Variants in MYO15B observed in about 807,000 individuals in gnomAD.
The protein encoded by MYO15B is myosin XVB.
MYO15B carries 207 observed loss-of-function variants against 119.3 expected under a neutral mutation model. The observed-to-expected ratio is 1.73, with a 90% CI of 1.55 to 1.95. The LOEUF (loss-of-function observed/expected upper bound fraction) is 1.95. MYO15B is among the 30% of genes most tolerant of loss of function. MYO15B has a pLI of 0.00. For synonymous variants in MYO15B, 966 were observed against 498.9 expected, an observed-to-expected ratio of 1.94 and a Z score of -12.48; for missense variants, 2,264 against 1,203.1, an observed-to-expected ratio of 1.88 and a Z score of -13.04.
intron 36 of MYO15B, 75 bp downstream of exon 36, chr17:75,615,959 A>G: frequency 1.7e-6 from 1 of 602,296 alleles, no homozygotes; most frequent in Middle Eastern, 2.6e-4. Flanking sequence ...GGGCAGGGTG[A>G]GTAGGCAGAC....
chr17:75,607,251 A>T (rs982146293), intron 21 of MYO15B: 4 of 331,368 alleles, frequency 1.2e-5, no homozygotes, highest in Non-Finnish European at 1.6e-5. Context: ...AGCCCCTGGT[A>T]ACTTTCAGTC....
At chr17:75,608,244 G>A (rs1568166334) in intron 21 of MYO15B, among the ~76,000 whole-genome samples, 3 of 151,486 alleles carry the variant, frequency 2.0e-5, no homozygotes, top group South Asian at 4.2e-4. Context: ...TCAGCCTCCC[G>A]AGTAGCTGGG....
At position 75,619,813 on chromosome 17, in the gene MYO15B, C is replaced by G. The variant is rs770331484; in HGVS notation, c.7301+14C>G. 1.4e-6 allele frequency: 1 copy of G among 702,662 alleles called. No homozygotes were observed. The highest frequency in any genetic ancestry group is 2.6e-6 in the Non-Finnish European group (1 of 384,868). The allele number at this position is 702,662 out of a possible 1,614,324, so 43.5% of individuals were successfully genotyped here. Reference sequence around the variant, plus strand: ...CTGCTCATACAGGTGCGCTAGCCCACGACCCTGGGCTAGAGGTGGGGGCAG... The same window carrying G: ...CTGCTCATACAGGTGCGCTAGCCCAGGACCCTGGGCTAGAGGTGGGGGCAG... On this transcript the variant is annotated intron_variant, in intron 46 of 63. Coordinates refer to ENST00000645453, the Ensembl canonical transcript of MYO15B.
chr17:75,600,203 T>C (rs1409072990), intron 14 of MYO15B, among the ~76,000 whole-genome samples: 2 of 151,536 alleles, frequency 1.3e-5, no homozygotes, highest in Non-Finnish European at 2.9e-5. Flanking sequence ...ATTTTTTGTA[T>C]TTTTTAGTAA....
chr17:75,621,402 C>A lies in MYO15B; in HGVS notation c.7929C>A (p.Tyr2643Ter), dbSNP rs1300765312. 3.6e-5 allele frequency: 25 copies of A among 700,572 alleles called. No homozygotes were observed. Among genetic ancestry groups the A allele is most frequent in the Non-Finnish European group, 6.3e-5 (24 of 383,204 alleles). 43.4% of individuals were successfully genotyped at this position (700,572 alleles called of 1,614,324 possible). A position where few individuals can be genotyped will look rare whatever the true frequency, so the allele number is the denominator to read the frequency against. Residue 2643 changes from tyrosine to a stop codon, truncating the protein, a stop_gained, in exon 51 of 64, where the codon TAC becomes TAA. Transcript: ENST00000645453. LOFTEE classifies it high-confidence loss of function. ...AGGACACGGACAGCCTGGTGCAGTA[C>A]ACCAAGGTGGGAGAGAGGCAGGGAG...
chr17:75,606,171 C>T (rs1304538156), intron 21 of MYO15B, 150 bp downstream of exon 21: 24 of 567,162 alleles, frequency 4.2e-5, no homozygotes, highest in East Asian at 3.2e-4. Flanking sequence ...CTCTCCTTGA[C>T]GGCATTACCC....
exon 55 of MYO15B, chr17:75,624,004 C>T (rs551736367): frequency 3.4e-4 from 240 of 703,034 alleles, no homozygotes; most frequent in Admixed American, 9.2e-4. Context: ...CTTCTTCCCC[C>T]CGTCGACCAG....
chr17:75,607,190 A>G (rs148054429), intron 21 of MYO15B: 186 of 381,026 alleles, frequency 4.9e-4, no homozygotes, highest in Non-Finnish European at 7.9e-4. Context: ...TTCATCCCGC[A>G]AACAGAAACT....
exon 9 of MYO15B, chr17:75,592,732 G>A (rs138931790): frequency 7.8e-4 from 548 of 702,474 alleles, no homozygotes; most frequent in Non-Finnish European, 8.7e-4. Context: ...TTGAGGGGCT[G>A]CTGAAGGCAC....
At position 75,624,536 on chromosome 17, in the gene MYO15B, T is replaced by C; in HGVS notation, c.8446-7T>C. 1.4e-6 allele frequency: 1 copy of C among 703,110 alleles called. No homozygotes were observed. Among genetic ancestry groups the C allele is most frequent in the Non-Finnish European group, 2.6e-6 (1 of 385,006 alleles). The allele number at this position is 703,110 out of a possible 1,614,324, so 43.6% of individuals were successfully genotyped here. On this transcript the variant is annotated splice_polypyrimidine_tract_variant and splice_region_variant and intron_variant, in intron 57 of 63. Coordinates refer to ENST00000645453, the Ensembl canonical transcript of MYO15B. ...TCCCCCTCATCACAGTCTGTCCACA[T>C]GCCCAGGTAGCAGCAGAAGTGCAGG...
chr17:75,602,642 C>A (rs759667720), intron 16 of MYO15B, 48 bp downstream of exon 16: 1 of 620,056 alleles, frequency 1.6e-6, no homozygotes, highest in East Asian at 2.7e-5. Context: ...ACTCTGTCCC[C>A]CAATTCTGTC....
At chr17:75,587,970 A>C (rs1463076153) in exon 1 of MYO15B, 2 of 397,276 alleles carry the variant, frequency 5.0e-6, no homozygotes, top group Non-Finnish European at 8.9e-6. Context: ...CGGGTGGTGC[A>C]CTGCACAGAA....
chr17:75,602,620 C>T (rs1198294434), intron 16 of MYO15B, 26 bp downstream of exon 16: 8 of 651,506 alleles, frequency 1.2e-5, no homozygotes, highest in African/African-American at 7.2e-5. Flanking sequence ...TCCAGGCCCC[C>T]ACCCGCTCCA....
rs569792915 is a variant in MYO15B, at chr17:75,589,208, T to G, written c.1151T>G (p.Leu384Arg). 2 of 330,718 alleles carry G rather than the reference T, an allele frequency of 6.0e-6. No homozygotes were observed. Among genetic ancestry groups the G allele is most frequent in the East Asian group, 4.1e-5 (1 of 24,490 alleles). 20.5% of individuals were successfully genotyped at this position (330,718 alleles called of 1,614,324 possible). A position where few individuals can be genotyped will look rare whatever the true frequency, so the allele number is the denominator to read the frequency against. ...CTCCTGCGCTGGCTGCGGCGGCGGCTGCGGCTGCGGCGGCGGCCGCCAGAG... is the reference window on the plus strand; with the variant it reads ...CTCCTGCGCTGGCTGCGGCGGCGGCGGCGGCTGCGGCGGCGGCCGCCAGAG... The change falls in exon 1 of 64, where the codon CTG (leucine) becomes CGG (arginine). Residue 384 changes from leucine (L) to arginine (R), a missense_variant. Coordinates refer to ENST00000645453, the Ensembl canonical transcript of MYO15B. The surrounding 1 kb of genome is among the most constrained non-coding windows in gnomAD (Gnocchi z 4.2).
chr17:75,615,222 G>C lies in MYO15B; in HGVS notation c.5642-18G>C, dbSNP rs1271270462. The C allele has an allele frequency of 1.4e-6, 1 of 698,526 alleles. No homozygotes were observed. Among genetic ancestry groups the C allele is most frequent in the African/African-American group, 1.7e-5 (1 of 57,292 alleles). 43.3% of individuals were successfully genotyped at this position (698,526 alleles called of 1,614,324 possible). On this transcript the variant is annotated intron_variant, in intron 33 of 63. Coordinates refer to ENST00000645453, the Ensembl canonical transcript of MYO15B. ...GTGGGCCCAGGCAGGGACTGACAGG[G>C]AGGGCGTGTTCCCTCAGTGTACCCA...
Position 75,592,355 on chromosome 17 carries a change from G to C in MYO15B, c.2715+54G>C, listed in dbSNP as rs2056524681. ...CCCAGTTCCCAGAGTAGGAAGGGCAGAGGGTGTCACTGTCGGGGTGTGGCC... is the reference window on the plus strand; with the variant it reads ...CCCAGTTCCCAGAGTAGGAAGGGCACAGGGTGTCACTGTCGGGGTGTGGCC... On this transcript the variant is annotated intron_variant, in intron 7 of 63. Transcript: ENST00000645453. 6 of 701,008 alleles carry C rather than the reference G, an allele frequency of 8.6e-6. No individual in the cohort carries two copies. In the South Asian group the frequency reaches 8.9e-5, roughly 10 times the overall value. The allele number at this position is 701,008 out of a possible 1,614,324, so 43.4% of individuals were successfully genotyped here. A position where few individuals can be genotyped will look rare whatever the true frequency, so the allele number is the denominator to read the frequency against.
chr17:75,623,203 C>G (rs1329631366), intron 53 of MYO15B, among the ~76,000 whole-genome samples: 1 of 152,086 alleles, frequency 6.6e-6, no homozygotes, highest in Non-Finnish European at 1.5e-5. Flanking sequence ...TGGTGGAGCA[C>G]ACCTGTAGTA....
exon 56 of MYO15B, chr17:75,624,226 G>T: frequency 2.8e-6 from 2 of 702,970 alleles, no homozygotes; most frequent in South Asian, 1.5e-5. Context: ...AAATATGGGG[G>T]GCGCCGGCGG....
rs112155918 is a variant in MYO15B at position 75,622,211 on chromosome 17, G to T, written c.8082+131G>T. The stretch of plus-strand genomic sequence containing the variant: ...TTTACTGAGCACCCATTGCGTGCAG[G>T]GGGGTGTGGCTGTGAAGCCAACAGG... On this transcript the variant is annotated intron_variant, in intron 53 of 63. Coordinates refer to ENST00000645453, the Ensembl canonical transcript of MYO15B. 6.3e-4 allele frequency: 403 copies of T among 634,746 alleles called. 1 individual carries two copies. In the African/African-American group the frequency reaches 6.5e-3, roughly 10 times the overall value. The allele number at this position is 634,746 out of a possible 1,614,324, so 39.3% of individuals were successfully genotyped here.
Sources: allele counts gnomAD v4.1 joint callset (sites outside exome capture counted in the v4.1 genomes callset), GRCh38; gene constraint gnomAD v4.1.1; non-coding constraint Gnocchi (gnomAD v3.1); transcripts MANE v1.5; gene names NCBI Gene and HGNC (gene_info 2026-07-23, HGNC 2026-07-21).